Variants in NLRP2 observed in about 807,000 individuals in gnomAD.
NLRP2 encodes the protein NACHT, LRR and PYD domains-containing protein 2.
A neutral mutation model predicts 97.2 loss-of-function variants in NLRP2; 107 were observed. That is an observed-to-expected ratio of 1.10 (90% CI 0.94 to 1.29). The LOEUF is 1.29. NLRP2 is among the 50% of genes most tolerant of loss of function. The pLI, the probability that NLRP2 is intolerant of heterozygous loss-of-function variation, is 0.00. For synonymous variants in NLRP2, 663 were observed against 551.5 expected, an observed-to-expected ratio of 1.20 and a Z score of -2.83; for missense variants, 1,495 against 1,330.3, an observed-to-expected ratio of 1.12 and a Z score of -1.93.
At chr19:54,968,701 C>CTTTTTTTTTTTTTTTTT (rs61212213) in intron 1 of NLRP2, among the ~76,000 whole-genome samples, 2,911 of 113,522 alleles carry the variant, frequency 0.026, 274 homozygotes, top group East Asian at 0.043. Flanking sequence ...ATCTTTAAGC[C>CTTTTTTTTTTTTTTTTT]TTTTTTTTTT....
In NLRP2 at chr19:54,968,953, G is replaced by A. The variant is rs1174627960; in HGVS notation, c.-17-1046G>A. Among the ~76,000 whole-genome samples the A allele has an allele frequency of 4.6e-5, 7 of 151,372 alleles. No individual in the cohort carries two copies. The East Asian group carries it at 7.9e-4, about 17-fold the overall frequency. On this transcript the variant is annotated intron_variant, in intron 1 of 12. Coordinates refer to ENST00000448584, the MANE Select transcript of NLRP2 (RefSeq NM_017852.5). ...CCTGACCTCACGATCCGCCCGCCTCGGCCTCCCAAAGTGCTGGGATTGCAG... is the reference window on the plus strand; with the variant it reads ...CCTGACCTCACGATCCGCCCGCCTCAGCCTCCCAAAGTGCTGGGATTGCAG...
At chr19:54,981,752 C>T in intron 5 of NLRP2, 70 bp downstream of exon 5, 2 of 890,794 alleles carry the variant, frequency 2.2e-6, no homozygotes, top group East Asian at 2.4e-5. Flanking sequence ...GTCCTCTTAA[C>T]TTTCCTATGT....
intron 4 of NLRP2, among the ~76,000 whole-genome samples, chr19:54,979,819 C>G (rs1478435559): frequency 6.6e-6 from 1 of 152,060 alleles, no homozygotes; most frequent in Non-Finnish European, 1.5e-5. Flanking sequence ...CTCTGTTGCC[C>G]AGACTGGAGT....
Position 55,001,038 on chromosome 19 carries a change from C to T in NLRP2, c.*140C>T. The T allele has an allele frequency of 1.3e-6, 1 of 744,936 alleles. No homozygotes were observed. The highest frequency in any genetic ancestry group is 2.6e-5 in the East Asian group (1 of 39,124). The allele number at this position is 744,936 out of a possible 1,614,324, so 46.1% of individuals were successfully genotyped here. ...TGGGCTAGATGTTTTAGCCATGATT[C>T]TGCCTCTGTTTTATACCTGCACACA... On this transcript the variant is annotated 3_prime_UTR_variant, in exon 13 of 13. Coordinates refer to ENST00000448584, the MANE Select transcript of NLRP2 (RefSeq NM_017852.5).
Position 54,994,272 on chromosome 19 carries a change from T to C in NLRP2, c.2712T>C (p.Leu904=). 1 of 1,614,134 alleles carries C rather than the reference T, an allele frequency of 6.2e-7. No homozygotes were observed. The highest frequency in any genetic ancestry group is 8.5e-7 in the Non-Finnish European group (1 of 1,180,018). Residue 904 remains leucine (L), a synonymous_variant, in exon 11 of 13, where the codon CTT becomes CTC. Transcript: ENST00000448584. Reference sequence around the variant, plus strand: ...TCTTCCTGTGGTTGATTTCTAGGCTTTGGAACTGCGACATAACTAGCGATG... The same window carrying C: ...TCTTCCTGTGGTTGATTTCTAGGCTCTGGAACTGCGACATAACTAGCGATG... ...YPECKLQTLV[L]WNCDITSDGC...
chr19:54,992,704 G>A (rs944914337), intron 10 of NLRP2, among the ~76,000 whole-genome samples: 3 of 151,206 alleles, frequency 2.0e-5, no homozygotes, highest in African/African-American at 7.3e-5. Flanking sequence ...GGATTAAGGT[G>A]CATGCCACCA....
At chr19:54,997,098 C>A (rs540257363) in intron 11 of NLRP2, among the ~76,000 whole-genome samples, 1 of 152,100 alleles carries the variant, frequency 6.6e-6, no homozygotes, top group African/African-American at 2.4e-5. Context: ...AGTAGAGACA[C>A]GGTTTTACCA....
At chr19:54,990,991 A>C in intron 10 of NLRP2, 1 of 397,650 alleles carries the variant, frequency 2.5e-6, no homozygotes, top group South Asian at 2.9e-5. Context: ...AGCTCAAGAG[A>C]TCTGCCTGCC....
At chr19:54,994,201 C>G in intron 10 of NLRP2, 68 bp from the exon 11 acceptor site, 1 of 1,539,770 alleles carries the variant, frequency 6.5e-7, no homozygotes, top group South Asian at 1.1e-5. Flanking sequence ...GCTCAAGAGT[C>G]AAAGGTGCAT....
chr19:54,981,128 CTGTTTCCTCTTGTT>C (rs1367355296), intron 4 of NLRP2, among the ~76,000 whole-genome samples: 6 of 152,084 alleles, frequency 3.9e-5, no homozygotes, highest in African/African-American at 1.4e-4. Context: ...TATAGCTGAC[CTGTTTCCTCTTGTT>C]TGTATGCCCT....
In NLRP2 at chr19:54,983,528, C is replaced by G. The variant is rs551890882; in HGVS notation, c.1830C>G (p.Tyr610Ter). 3.7e-6 allele frequency: 6 copies of G among 1,614,138 alleles called. No individual in the cohort carries two copies. Among genetic ancestry groups the G allele is most frequent in the Non-Finnish European group, 5.1e-6 (6 of 1,180,018 alleles). The change falls in exon 6 of 13, where the codon TAC becomes TAG. Residue 610 changes from tyrosine to a stop codon, truncating the protein, a stop_gained. Transcript: ENST00000448584. LOFTEE classifies it high-confidence loss of function. Reference protein sequence around the residue: ...TDLQELLGCLYESQEEELVKE... With the variant: ...TDLQELLGCL Reference sequence around the variant, plus strand: ...TGCAGGAGCTCCTCGGCTGTCTGTACGAGTCTCAGGAGGAGGAGCTGGTGA... The same window carrying G: ...TGCAGGAGCTCCTCGGCTGTCTGTAGGAGTCTCAGGAGGAGGAGCTGGTGA...
chr19:54,986,858 T>C (rs1449891853), intron 8 of NLRP2, among the ~76,000 whole-genome samples: 1 of 150,366 alleles, frequency 6.7e-6, no homozygotes, highest in East Asian at 2.0e-4. Flanking sequence ...AGAGTCCTTA[T>C]GTTTTGGTTT....
Position 54,970,064 on chromosome 19 carries a change from C to T in NLRP2, c.49C>T (p.Gln17Ter). Residue 17 changes from glutamine to a stop codon, truncating the protein, a stop_gained, in exon 2 of 13, where the codon CAG becomes TAG. Coordinates refer to ENST00000448584, the MANE Select transcript of NLRP2 (RefSeq NM_017852.5). LOFTEE classifies it high-confidence loss of function. ...MGFNLQALLEQLSQDELSKFK... is the reference protein window; with the variant it reads ...MGFNLQALLE ...CTTCAACCTGCAGGCTCTCCTGGAG[C>T]AGCTCAGCCAGGATGAGTTGAGCAA... The T allele has an allele frequency of 1.9e-6, 3 of 1,614,080 alleles. No individual in the cohort carries two copies. Among genetic ancestry groups the T allele is most frequent in the Non-Finnish European group, 2.5e-6 (3 of 1,180,024 alleles).
chr19:54,972,916 C>T (rs925576949), intron 2 of NLRP2, among the ~76,000 whole-genome samples: 2 of 152,112 alleles, frequency 1.3e-5, no homozygotes. Context: ...AGGCCGGGCA[C>T]AGTGGCTCAC....
chr19:54,992,574 G>GTTTTTTTTTT (rs71181722), intron 10 of NLRP2, among the ~76,000 whole-genome samples: 4 of 95,000 alleles, frequency 4.2e-5, no homozygotes, highest in Non-Finnish European at 3.9e-5. Flanking sequence ...TTTTTTTTTG[G>GTTTTTTTTTT]TTTTTTTTTT....
At chr19:54,999,525 GGTATTAGAGCTATA>G (rs1200394100) in intron 12 of NLRP2, among the ~76,000 whole-genome samples, 3 of 152,096 alleles carry the variant, frequency 2.0e-5, no homozygotes, top group Non-Finnish European at 4.4e-5. Context: ...CGGGTAAGCA[GGTATTAGAGCTATA>G]GCCCAGCTGT....
At chr19:54,968,056 C>T (rs2070588619) in intron 1 of NLRP2, among the ~76,000 whole-genome samples, 1 of 151,676 alleles carries the variant, frequency 6.6e-6, no homozygotes, top group South Asian at 2.1e-4. Context: ...GTAGCTGGGA[C>T]TACAGCCGCC....
chr19:54,972,762 G>A (rs1045518524), intron 2 of NLRP2, among the ~76,000 whole-genome samples: 6 of 152,090 alleles, frequency 3.9e-5, no homozygotes, highest in Admixed American at 3.3e-4. Context: ...CCTGGCCAGT[G>A]CAGCTTTATT....
Position 54,970,058 on chromosome 19 carries a change from C to G in NLRP2, c.43C>G (p.Leu15Val). Residue 15 changes from leucine to valine, a missense_variant, in exon 2 of 13, where the codon CTG (leucine) becomes GTG (valine). Physicochemically the swap from Leu to Val is conservative, Grantham distance 32 (BLOSUM62 1). Coordinates refer to ENST00000448584, the MANE Select transcript of NLRP2 (RefSeq NM_017852.5). ...GATGGGCTTCAACCTGCAGGCTCTC[C>G]TGGAGCAGCTCAGCCAGGATGAGTT... ...AQMGFNLQAL[L>V]EQLSQDELSK... 1 of 1,614,066 alleles carries G rather than the reference C, an allele frequency of 6.2e-7. No individual in the cohort carries two copies. Among genetic ancestry groups the G allele is most frequent in the East Asian group, 2.2e-5 (1 of 44,860 alleles).
Sources: gnomAD v4.1 joint callset for allele counts (sites outside exome capture counted in the v4.1 genomes callset) on GRCh38, gnomAD v4.1.1 for gene constraint, MANE v1.5 for transcripts, NCBI Gene and HGNC (gene_info 2026-07-23, HGNC 2026-07-21) for gene names.